Variants in VPS13C observed in about 807,000 individuals in gnomAD.
VPS13C encodes intermembrane lipid transfer protein VPS13C.
In VPS13C, 358 loss-of-function variants were observed where a neutral mutation model predicts 456.8. The observed-to-expected ratio is 0.78, with a 90% CI of 0.72 to 0.86. The LOEUF (loss-of-function observed/expected upper bound fraction) is 0.86. Among genes scored for constraint, VPS13C ranks in the 40% least tolerant of loss-of-function variants. The pLI is 0.00. For missense variants in VPS13C, 4,818 were observed against 4,385.4 expected, an observed-to-expected ratio of 1.10 and a Z score of -2.79; for synonymous variants, 1,578 against 1,486.7, an observed-to-expected ratio of 1.06 and a Z score of -1.41.
Position 61,888,785 on chromosome 15 carries a change from G to T in VPS13C, c.9341+1380C>A, listed in dbSNP as rs1896456219. On this transcript the variant is annotated intron_variant, in intron 67 of 84. Coordinates refer to ENST00000644861, the MANE Select transcript of VPS13C (RefSeq NM_020821.3). ...TATAATACTGTAATGGTGAATACAG[G>T]TTATTACACATTTGTCAGAACTCAT... Among the ~76,000 whole-genome samples, 4 of 152,040 alleles carry T rather than the reference G, an allele frequency of 2.6e-5. No homozygotes were observed. In the South Asian group the frequency reaches 8.3e-4, roughly 31 times the overall value.
intron 24 of VPS13C, among the ~76,000 whole-genome samples, chr15:61,975,160 T>C (rs758311780): frequency 1.3e-5 from 2 of 152,020 alleles, no homozygotes; most frequent in African/African-American, 4.8e-5. Flanking sequence ...AAGCACTAAA[T>C]GCCTATATTG....
intron 9 of VPS13C, among the ~76,000 whole-genome samples, chr15:62,016,685 G>C (rs1418805476): frequency 6.6e-6 from 1 of 151,942 alleles, no homozygotes; most frequent in Non-Finnish European, 1.5e-5. Context: ...TGGACACTTG[G>C]GTTGGTTCCA....
chr15:61,954,054 A>G (rs1009043093), intron 38 of VPS13C, among the ~76,000 whole-genome samples: 2 of 152,188 alleles, frequency 1.3e-5, no homozygotes, highest in Non-Finnish European at 2.9e-5. Flanking sequence ...TTAGTAATGT[A>G]ACTTTTTTTT....
In VPS13C at chr15:62,010,570, G is replaced by C; in HGVS notation, c.913C>G (p.Leu305Val). 2.5e-6 allele frequency: 4 copies of C among 1,612,552 alleles called. No individual in the cohort carries two copies. The highest frequency in any genetic ancestry group is 8.5e-7 in the Non-Finnish European group (1 of 1,179,434). Residue 305 changes from leucine (L) to valine (V), a missense_variant, in exon 13 of 85, where the codon CTC becomes GTC. Leu to Val is a conservative substitution (Grantham distance 32). Coordinates refer to ENST00000644861, the MANE Select transcript of VPS13C (RefSeq NM_020821.3). ...GATTCTGCATAAGGATTCATGTAGA[G>C]TTTTGCAGAGGCTGATATTGGCTGG... Reference protein sequence around the residue: ...IFQPISASAKLYMNPYAESEL... With the variant: ...IFQPISASAKVYMNPYAESEL...
intron 1 of VPS13C, among the ~76,000 whole-genome samples, chr15:62,056,575 C>A (rs529889724): frequency 6.6e-6 from 1 of 152,290 alleles, no homozygotes; most frequent in East Asian, 1.9e-4. Context: ...GGAAGGGAGG[C>A]TCCCTTTCCC....
intron 66 of VPS13C, among the ~76,000 whole-genome samples, chr15:61,899,795 C>T (rs2042941722): frequency 6.6e-6 from 1 of 151,986 alleles, no homozygotes; most frequent in South Asian, 2.1e-4. Flanking sequence ...CAAAGCTGGG[C>T]AGAGACACAA....
intron 2 of VPS13C, among the ~76,000 whole-genome samples, chr15:62,041,777 G>A (rs1012456280): frequency 3.3e-5 from 5 of 151,738 alleles, no homozygotes; most frequent in East Asian, 1.9e-4. Context: ...TCGGGATCGC[G>A]CCACTGCACT....
chr15:61,972,448 C>G (rs185050999), intron 27 of VPS13C, among the ~76,000 whole-genome samples, 177 bp downstream of exon 27: 162 of 152,030 alleles, frequency 1.1e-3, no homozygotes, highest in African/African-American at 3.2e-3. Context: ...TTAAAAATCT[C>G]TGTGTGTGTG....
intron 16 of VPS13C, among the ~76,000 whole-genome samples, chr15:61,992,893 T>C (rs2046268411): frequency 6.6e-6 from 1 of 152,072 alleles, no homozygotes; most frequent in Non-Finnish European, 1.5e-5. Context: ...TTAATTCCCC[T>C]GGTGATTCTA....
intron 35 of VPS13C, among the ~76,000 whole-genome samples, chr15:61,960,729 T>C (rs1368136389): frequency 6.6e-6 from 1 of 152,194 alleles, no homozygotes; most frequent in Non-Finnish European, 1.5e-5. Flanking sequence ...CAGTACTATT[T>C]TTTTCCATTT....
At chr15:61,981,549 G>C in intron 21 of VPS13C, 71 bp from the exon 22 acceptor site, 1 of 1,437,286 alleles carries the variant, frequency 7.0e-7, no homozygotes, top group Non-Finnish European at 9.2e-7. Flanking sequence ...TTAACAACTA[G>C]AATAAGAGTT....
intron 75 of VPS13C, among the ~76,000 whole-genome samples, chr15:61,876,637 G>A (rs753909991): frequency 6.6e-6 from 1 of 151,720 alleles, no homozygotes; most frequent in Non-Finnish European, 1.5e-5. Flanking sequence ...GGAGGAAACC[G>A]GCTTAGAATT....
Position 61,919,408 on chromosome 15 carries a change from TG to T in VPS13C, c.7518del (p.Arg2507AspfsTer32). ...GYTEVANIPV[A>X]RPGRRLYNVR... is the part of the protein sequence containing the mutation. ...ACATTATACAATCGCCGTCCAGGTC[TG>T]GCCACAGGGATATTTGCAACTTCTG... On this transcript the variant is annotated frameshift_variant, in exon 58 of 85. Coordinates refer to ENST00000644861, the MANE Select transcript of VPS13C (RefSeq NM_020821.3). LOFTEE classifies it high-confidence loss of function. 2 of 1,595,546 alleles carry T rather than the reference TG, an allele frequency of 1.3e-6. No homozygotes were observed. The highest frequency in any genetic ancestry group is 1.7e-6 in the Non-Finnish European group (2 of 1,172,734).
intron 37 of VPS13C, among the ~76,000 whole-genome samples, chr15:61,958,312 A>G (rs1353552820): frequency 6.6e-6 from 1 of 152,060 alleles, no homozygotes; most frequent in Non-Finnish European, 1.5e-5. Flanking sequence ...TTTCTTCTAT[A>G]CATGCAATTT....
intron 16 of VPS13C, among the ~76,000 whole-genome samples, chr15:61,992,499 G>T (rs1203532124): frequency 6.6e-6 from 1 of 152,012 alleles, no homozygotes; most frequent in South Asian, 2.1e-4. Context: ...GTAGTGAATC[G>T]GTAACATATT....
intron 51 of VPS13C, among the ~76,000 whole-genome samples, chr15:61,929,192 A>G (rs2043970198): frequency 6.6e-6 from 1 of 152,180 alleles, no homozygotes. Flanking sequence ...GTTTTCTTTG[A>G]ATAAGATACC....
rs2044637274 is a variant in VPS13C at position 61,947,267 on chromosome 15, A to T, written c.4802T>A (p.Ile1601Asn). 2 of 1,609,544 alleles carry T rather than the reference A, an allele frequency of 1.2e-6. No homozygotes were observed. The change falls in exon 43 of 85, where the codon ATC (isoleucine) becomes AAC (asparagine). Residue 1601 changes from isoleucine (I) to asparagine (N), a missense_variant. Ile to Asn is a moderately radical substitution (Grantham distance 149). Coordinates refer to ENST00000644861, the MANE Select transcript of VPS13C (RefSeq NM_020821.3). ...ATTAAATGCATTTAATTCAGCTGTG[A>T]TCTTTAAATCAAACACATCCTTTTG... Reference protein sequence around the residue: ...ISQKDVFDLKITAELNAFNVF... With the variant: ...ISQKDVFDLKNTAELNAFNVF...
Position 61,858,460 on chromosome 15 carries a change from T to C in VPS13C, c.10953-2051A>G, listed in dbSNP as rs760800912. The stretch of plus-strand genomic sequence containing the variant: ...TCTCATAAGTCAAATCCTCATTCTT[T>C]AGGCCCTCCCCACTTCCTACCATGA... On this transcript the variant is annotated intron_variant, in intron 82 of 84. Coordinates refer to ENST00000644861, the MANE Select transcript of VPS13C (RefSeq NM_020821.3). The surrounding 1 kb of genome is among the most constrained non-coding windows in gnomAD (Gnocchi z 4.4). Among the ~76,000 whole-genome samples, 13 of 152,144 alleles carry C rather than the reference T, an allele frequency of 8.5e-5. No individual in the cohort carries two copies. The highest frequency in any genetic ancestry group is 1.6e-4 in the Non-Finnish European group (11 of 68,036).
intron 39 of VPS13C, 22 bp from the exon 40 acceptor site, chr15:61,951,046 G>T: frequency 2.7e-6 from 4 of 1,454,994 alleles, no homozygotes; most frequent in Non-Finnish European, 3.8e-6. Flanking sequence ...AAAAGACAAA[G>T]TTGATCCATC....
Sources: gnomAD v4.1 joint callset for allele counts (sites outside exome capture counted in the v4.1 genomes callset) on GRCh38, gnomAD v4.1.1 for gene constraint, Gnocchi (gnomAD v3.1) non-coding constraint, MANE v1.5 for transcripts, NCBI Gene and HGNC (gene_info 2026-07-23, HGNC 2026-07-21) for gene names.